Variants in AUTS2 observed in about 807,000 individuals in gnomAD.
AUTS2 encodes the protein activator of transcription and developmental regulator AUTS2, also known as autism susceptibility gene 2 protein.
AUTS2 carries 17 observed loss-of-function variants against 112.4 expected under a neutral mutation model. That is an observed-to-expected ratio of 0.15 (90% CI 0.10 to 0.23). The LOEUF (loss-of-function observed/expected upper bound fraction) is 0.23. Ranked by LOEUF, AUTS2 falls within the 10% of genes least tolerant of loss-of-function variation. The pLI, the probability that AUTS2 is intolerant of heterozygous loss-of-function variation, is 1.00. For synonymous variants in AUTS2, 751 were observed against 702.7 expected (o/e 1.07, Z -1.09); for missense variants, 1,510 against 1,701.6 (o/e 0.89, Z 1.98).
At chr7:69,962,806 A>G (rs1250287059) in intron 2 of AUTS2, among the ~76,000 whole-genome samples, 1 of 152,060 alleles carries the variant, frequency 6.6e-6, no homozygotes, top group Non-Finnish European at 1.5e-5. Context: ...AGAGAAAGTC[A>G]TTCTTAGCAG....
At chr7:70,108,624 C>T (rs1235968031) in intron 2 of AUTS2, among the ~76,000 whole-genome samples, 1 of 151,736 alleles carries the variant, frequency 6.6e-6, no homozygotes, top group African/African-American at 2.4e-5. Flanking sequence ...TACTGTGTAT[C>T]TGTAAAGGAC....
chr7:69,647,438 C>T (rs1003638145), intron 1 of AUTS2, among the ~76,000 whole-genome samples: 1 of 151,856 alleles, frequency 6.6e-6, no homozygotes, highest in Non-Finnish European at 1.5e-5. Flanking sequence ...GTAGCATCAA[C>T]TTCCCAGGGT....
chr7:69,970,733 GC>G (rs1797815677), intron 2 of AUTS2, among the ~76,000 whole-genome samples: 1 of 152,084 alleles, frequency 6.6e-6, no homozygotes, highest in Non-Finnish European at 1.5e-5. Context: ...AACAGTGCTA[GC>G]CCTTGACCTT....
chr7:70,290,628 G>C, intron 4 of AUTS2: 1 of 1,413,074 alleles, frequency 7.1e-7, no homozygotes, highest in Non-Finnish European at 9.1e-7. Flanking sequence ...TTCATTTGCA[G>C]TGTGTTTTAG....
chr7:70,418,126 C>T (rs988897362), intron 4 of AUTS2, among the ~76,000 whole-genome samples: 21 of 131,816 alleles, frequency 1.6e-4, no homozygotes, highest in East Asian at 2.3e-4. Context: ...TGTGTGTAGA[C>T]GGGGTCTTAC....
At chr7:69,833,242 A>G (rs1424431437) in intron 1 of AUTS2, among the ~76,000 whole-genome samples, 1 of 152,068 alleles carries the variant, frequency 6.6e-6, no homozygotes, top group Non-Finnish European at 1.5e-5. Flanking sequence ...TCACTGTTGT[A>G]TCTGGTCCTC....
intron 3 of AUTS2, among the ~76,000 whole-genome samples, chr7:70,127,919 T>C (rs1380639769): frequency 6.6e-6 from 1 of 152,108 alleles, no homozygotes; most frequent in Non-Finnish European, 1.5e-5. Flanking sequence ...CTTTCTTTCT[T>C]CCTCCCTTCC....
chr7:70,717,014 T>A (rs1298682724), intron 6 of AUTS2, among the ~76,000 whole-genome samples: 11 of 72,332 alleles, frequency 1.5e-4, no homozygotes, highest in Admixed American at 6.2e-4. Flanking sequence ...TTTTTTTTTT[T>A]ATTACTGTTT....
intron 4 of AUTS2, among the ~76,000 whole-genome samples, chr7:70,329,233 A>G (rs1790634811): frequency 6.6e-6 from 1 of 152,220 alleles, no homozygotes; most frequent in East Asian, 1.9e-4. Context: ...CAGTACTGCC[A>G]TGAACATGTG....
At chr7:70,567,613 A>T (rs1696980094) in intron 5 of AUTS2, among the ~76,000 whole-genome samples, 1 of 152,244 alleles carries the variant, frequency 6.6e-6, no homozygotes. Flanking sequence ...CAGGGAACAC[A>T]TGTGACTTTT....
At chr7:69,967,544 A>G (rs1377368333) in intron 2 of AUTS2, among the ~76,000 whole-genome samples, 1 of 152,128 alleles carries the variant, frequency 6.6e-6, no homozygotes, top group Non-Finnish European at 1.5e-5. Context: ...GCAGGAACAT[A>G]AAGGGGAAGG....
At chr7:70,298,152 C>T (rs1409412524) in intron 4 of AUTS2, among the ~76,000 whole-genome samples, 2 of 152,024 alleles carry the variant, frequency 1.3e-5, no homozygotes, top group Non-Finnish European at 2.9e-5. Flanking sequence ...CTGCCTCAGC[C>T]TCCCGAGTAG....
intron 5 of AUTS2, among the ~76,000 whole-genome samples, chr7:70,512,184 G>C (rs571869337): frequency 1.3e-5 from 2 of 152,270 alleles, no homozygotes; most frequent in South Asian, 4.1e-4. Flanking sequence ...GTGGTGAACC[G>C]GGTGGGCCTC....
intron 5 of AUTS2, among the ~76,000 whole-genome samples, chr7:70,552,649 A>C (rs1184889918): frequency 1.3e-5 from 2 of 152,314 alleles, no homozygotes; most frequent in Non-Finnish European, 2.9e-5. Context: ...CTGCCTAATG[A>C]TTCCCCTACG....
intron 4 of AUTS2, among the ~76,000 whole-genome samples, chr7:70,405,303 A>G (rs983455536): frequency 6.6e-6 from 1 of 152,232 alleles, no homozygotes; most frequent in African/African-American, 2.4e-5. Context: ...ACTGGTTAGA[A>G]GGGCTTCCCA....
chr7:70,703,904 G>C (rs1028497787), intron 6 of AUTS2, among the ~76,000 whole-genome samples: 4 of 152,094 alleles, frequency 2.6e-5, no homozygotes, highest in Non-Finnish European at 5.9e-5. Flanking sequence ...AGGGTAATTG[G>C]TACTTGATGC....
intron 2 of AUTS2, among the ~76,000 whole-genome samples, chr7:70,005,631 C>T (rs561797485): frequency 6.6e-6 from 1 of 151,940 alleles, no homozygotes; most frequent in African/African-American, 2.4e-5. Flanking sequence ...GGGAGGTGTA[C>T]GGGAAGGAGG....
intron 1 of AUTS2, among the ~76,000 whole-genome samples, chr7:69,865,731 T>TC (rs1793196224): frequency 6.6e-6 from 1 of 152,176 alleles, no homozygotes; most frequent in Admixed American, 6.5e-5. Flanking sequence ...TGCTGTCTCT[T>TC]CGAATTTAGA....
At chr7:69,961,382 A>C (rs1797424179) in intron 2 of AUTS2, among the ~76,000 whole-genome samples, 1 of 152,160 alleles carries the variant, frequency 6.6e-6, no homozygotes, top group African/African-American at 2.4e-5. Flanking sequence ...AGTCCATTTT[A>C]TAGATAGACA....
Sources: gnomAD v4.1 joint callset for allele counts (sites outside exome capture counted in the v4.1 genomes callset) on GRCh38, gnomAD v4.1.1 for gene constraint, MANE v1.5 for transcripts, NCBI Gene and HGNC (gene_info 2026-07-23, HGNC 2026-07-21) for gene names.